RNF150: variants seen among roughly 807,000 people sequenced by gnomAD.
The protein encoded by RNF150 is ring finger protein 150.
A neutral mutation model predicts 39.3 loss-of-function variants in RNF150; 24 were observed. The ratio of observed to expected loss-of-function variants is 0.61; its 90% confidence interval spans 0.44 to 0.86. The LOEUF (loss-of-function observed/expected upper bound fraction) is 0.86, where lower values mean the gene tolerates loss of function less well. Among genes scored for constraint, RNF150 ranks in the 40% least tolerant of loss-of-function variants. RNF150 has a pLI of 0.00. For synonymous variants in RNF150, 255 were observed against 227.3 expected (o/e 1.12, Z -1.10); for missense variants, 502 against 587.8 (o/e 0.85, Z 1.51).
intron 1 of RNF150, among the ~76,000 whole-genome samples, chr4:141,087,966 C>T (rs1328813250): frequency 1.3e-5 from 2 of 152,050 alleles, no homozygotes; most frequent in Non-Finnish European, 2.9e-5. Flanking sequence ...CATGTGCCTG[C>T]CCTTTACAGA....
chr4:141,010,623 T>C (rs1042474413), intron 1 of RNF150, among the ~76,000 whole-genome samples: 1 of 152,166 alleles, frequency 6.6e-6, no homozygotes, highest in East Asian at 1.9e-4. Context: ...TGTAATGGCA[T>C]GGGGCTTCTC....
intron 1 of RNF150, among the ~76,000 whole-genome samples, chr4:141,071,375 A>C (rs1016636508): frequency 2.7e-5 from 4 of 150,624 alleles, no homozygotes; most frequent in African/African-American, 9.8e-5. Flanking sequence ...TAAAACTTAA[A>C]GTATAATTAA....
intron 1 of RNF150, among the ~76,000 whole-genome samples, chr4:141,003,414 C>T (rs1734743880): frequency 1.3e-5 from 2 of 152,130 alleles, no homozygotes; most frequent in East Asian, 1.9e-4. Flanking sequence ...CAAAGTCCAT[C>T]GAGTGGACTG....
intron 6 of RNF150, among the ~76,000 whole-genome samples, chr4:140,880,722 G>A (rs570200047): frequency 6.6e-6 from 1 of 151,974 alleles, no homozygotes; most frequent in African/African-American, 2.4e-5. Context: ...CTAGTGATAG[G>A]TTGGTTGAAA....
chr4:141,006,297 C>T (rs941101031), intron 1 of RNF150, among the ~76,000 whole-genome samples: 10 of 128,272 alleles, frequency 7.8e-5, no homozygotes, highest in South Asian at 2.5e-4. Flanking sequence ...TATATATATA[C>T]ACACACACAC....
At chr4:140,917,081 C>T (rs1578961925) in intron 5 of RNF150, among the ~76,000 whole-genome samples, 1 of 152,156 alleles carries the variant, frequency 6.6e-6, no homozygotes, top group East Asian at 1.9e-4. Flanking sequence ...CTAGCCACTG[C>T]AAAAACATGC....
At chr4:140,886,434 C>G (rs114315919) in intron 6 of RNF150, among the ~76,000 whole-genome samples, 2,440 of 152,214 alleles carry the variant, frequency 0.016, 71 homozygotes, top group African/African-American at 0.054. Flanking sequence ...TAAGGCAGGT[C>G]ACCCACATGC....
chr4:141,062,754 G>A (rs1364890837), intron 1 of RNF150, among the ~76,000 whole-genome samples: 1 of 152,066 alleles, frequency 6.6e-6, no homozygotes, highest in East Asian at 1.9e-4. Context: ...GCTGAGATTT[G>A]GGGTATGAAT....
intron 1 of RNF150, among the ~76,000 whole-genome samples, chr4:141,066,420 G>A (rs112353571): frequency 3.3e-5 from 5 of 152,210 alleles, no homozygotes; most frequent in African/African-American, 9.6e-5. Context: ...ACAGAAATTA[G>A]ACACTGAAGC....
Position 141,132,672 on chromosome 4 carries a change from A to C in RNF150, c.137T>G (p.Ile46Ser). 1 of 1,606,584 alleles carries C rather than the reference A, an allele frequency of 6.2e-7. No homozygotes were observed. Among genetic ancestry groups the C allele is most frequent in the Non-Finnish European group, 8.5e-7 (1 of 1,177,288 alleles). The part of the protein sequence containing the change: ...KEEWYTAFVN[I>S]TYAEPAPDPG... The stretch of plus-strand genomic sequence containing the variant: ...GTCCGGCGCGGGCTCGGCGTAGGTG[A>C]TGTTCACGAAGGCGGTGTACCATTC... The change falls in exon 1 of 7, where the codon ATC becomes AGC. Residue 46 changes from isoleucine to serine, a missense_variant. By Grantham distance (142) the Ile-to-Ser change is moderately radical (BLOSUM62 -2). Coordinates refer to ENST00000515673, the MANE Select transcript of RNF150 (RefSeq NM_020724.2). The surrounding 1 kb of genome is among the most constrained non-coding windows in gnomAD (Gnocchi z 4.9).
chr4:141,105,474 C>T (rs1188443124), intron 1 of RNF150, among the ~76,000 whole-genome samples: 8 of 152,116 alleles, frequency 5.3e-5, no homozygotes, highest in Non-Finnish European at 1.0e-4. Flanking sequence ...TTTTAGCTTT[C>T]CTCTAACCAA....
chr4:141,086,201 TTCAA>T (rs556739633), intron 1 of RNF150, among the ~76,000 whole-genome samples: 119 of 152,310 alleles, frequency 7.8e-4, no homozygotes, highest in Non-Finnish European at 1.4e-3. Flanking sequence ...AAATATGTTG[TTCAA>T]ATTTTCTGCA....
intron 6 of RNF150, among the ~76,000 whole-genome samples, chr4:140,877,521 T>C (rs919851673): frequency 3.3e-5 from 5 of 152,236 alleles, no homozygotes; most frequent in African/African-American, 4.8e-5. Context: ...AAATTATCTA[T>C]AGACCCCATT....
intron 1 of RNF150, among the ~76,000 whole-genome samples, chr4:141,096,753 G>C (rs2111024290): frequency 6.6e-6 from 1 of 152,318 alleles, no homozygotes; most frequent in Non-Finnish European, 1.5e-5. Flanking sequence ...AGGTAACACA[G>C]TGATTTACAA....
chr4:141,144,693 G>A (rs1727172595), intron 1 of RNF150, among the ~76,000 whole-genome samples: 1 of 152,080 alleles, frequency 6.6e-6, no homozygotes, highest in Admixed American at 6.6e-5. Flanking sequence ...TTAATCAGAG[G>A]AAATGTAGGA....
At chr4:141,162,643 A>G (rs1182273827) in intron 1 of RNF150, among the ~76,000 whole-genome samples, 1 of 152,006 alleles carries the variant, frequency 6.6e-6, no homozygotes, top group East Asian at 1.9e-4. Context: ...GAGTGGGTGC[A>G]GCCTATGGAG....
chr4:141,063,685 G>C (rs1400354976), intron 1 of RNF150, among the ~76,000 whole-genome samples: 1 of 152,134 alleles, frequency 6.6e-6, no homozygotes, highest in Non-Finnish European at 1.5e-5. Context: ...GGGTCTATCA[G>C]TAGGAACCAA....
chr4:141,049,045 GTA>G (rs1290022299), intron 1 of RNF150, among the ~76,000 whole-genome samples: 1 of 152,160 alleles, frequency 6.6e-6, no homozygotes, highest in Non-Finnish European at 1.5e-5. Flanking sequence ...TGAGCAGCCA[GTA>G]TTATGAAATA....
intron 5 of RNF150, among the ~76,000 whole-genome samples, chr4:140,923,973 G>T (rs1387336500): frequency 6.6e-6 from 1 of 152,084 alleles, no homozygotes; most frequent in South Asian, 2.1e-4. Flanking sequence ...GCCTGTTGTG[G>T]GGTGGGGGAA....
Sources: gnomAD v4.1 joint callset for allele counts (sites outside exome capture counted in the v4.1 genomes callset) on GRCh38, gnomAD v4.1.1 for gene constraint, Gnocchi (gnomAD v3.1) non-coding constraint, MANE v1.5 for transcripts, NCBI Gene and HGNC (gene_info 2026-07-23, HGNC 2026-07-21) for gene names.